Variants in RBM34 observed in about 807,000 individuals in gnomAD.
The protein encoded by RBM34 is RNA-binding protein 34.
RBM34 carries 39 observed loss-of-function variants against 44.6 expected under a neutral mutation model. The ratio of observed to expected loss-of-function variants is 0.87; its 90% CI spans 0.68 to 1.14. The LOEUF is 1.14. Among genes scored for constraint, RBM34 ranks in the 50% most tolerant of loss-of-function variants. The pLI is 0.00. For missense variants in RBM34, 572 were observed against 517.9 expected (o/e 1.10, Z -1.01); for synonymous variants, 194 against 184.0 (o/e 1.05, Z -0.44).
rs367844001 is a variant in RBM34, at chr1:235,137,911, C to T, written c.815G>A (p.Arg272His). 4.7e-5 allele frequency: 76 copies of T among 1,604,036 alleles called. No homozygotes were observed. In the African/African-American group the frequency reaches 6.2e-4, roughly 13 times the overall value. The change falls in exon 8 of 11, where the codon CGT becomes CAT. Residue 272 changes from arginine (R) to histidine (H), a missense_variant. Coordinates refer to ENST00000408888, the MANE Select transcript of RBM34 (RefSeq NM_015014.4). ...CTCAGATGCGAGATCAACTCTAATA[C>T]GAAATCCATCTGCAATCTGGGCCCC... ...RNGAQIADGF[R>H]IRVDLASETS...
chr1:235,143,382 A>AT (rs1221579850), intron 6 of RBM34, among the ~76,000 whole-genome samples: 3 of 152,160 alleles, frequency 2.0e-5, no homozygotes, highest in East Asian at 1.9e-4. Context: ...CCGTACCCAA[A>AT]TTTTTTTTAG....
chr1:235,143,205 A>G (rs1661757377), intron 6 of RBM34, among the ~76,000 whole-genome samples: 2 of 152,356 alleles, frequency 1.3e-5, no homozygotes, highest in South Asian at 4.1e-4. Context: ...TTAAATGACA[A>G]TGCCAAGTGC....
In RBM34 at chr1:235,131,518, A is replaced by G; in HGVS notation, c.*195T>C. ...AGCCAAACTCCATCTCAAAAAACAA[A>G]ACAAAAACAAAAAAACCTTCAAAGG... On this transcript the variant is annotated 3_prime_UTR_variant, in exon 11 of 11. Coordinates refer to ENST00000408888, the MANE Select transcript of RBM34 (RefSeq NM_015014.4). The G allele has an allele frequency of 1.6e-6, 1 of 626,250 alleles. No homozygotes were observed. 38.8% of individuals were successfully genotyped at this position (626,250 alleles called of 1,614,324 possible). A position where few individuals can be genotyped will look rare whatever the true frequency, so the allele number is the denominator to read the frequency against.
intron 6 of RBM34, among the ~76,000 whole-genome samples, chr1:235,146,593 A>C (rs1661918019): frequency 6.6e-6 from 1 of 152,174 alleles, no homozygotes; most frequent in Non-Finnish European, 1.5e-5. Context: ...GAATTGGCTG[A>C]CTAGAGAAAA....
intron 10 of RBM34, among the ~76,000 whole-genome samples, chr1:235,135,118 C>T (rs1661365209): frequency 7.0e-6 from 1 of 143,376 alleles, no homozygotes; most frequent in Non-Finnish European, 1.5e-5. Flanking sequence ...GATCTCGGCT[C>T]AATGAAACCT....
chr1:235,152,437 A>C, intron 5 of RBM34: 1 of 1,089,376 alleles, frequency 9.2e-7, no homozygotes, highest in African/African-American at 1.7e-5. Flanking sequence ...TTCTGCTGAC[A>C]CAGTAAATAA....
At chr1:235,133,945 C>T (rs1213390753) in intron 10 of RBM34, among the ~76,000 whole-genome samples, 2 of 152,176 alleles carry the variant, frequency 1.3e-5, no homozygotes, top group Non-Finnish European at 2.9e-5. Context: ...TCACTACAGC[C>T]TTGACCTCCC....
chr1:235,160,411 G>T, intron 3 of RBM34, 100 bp downstream of exon 3: 2 of 1,448,234 alleles, frequency 1.4e-6, no homozygotes, highest in Non-Finnish European at 1.9e-6. Flanking sequence ...AGTTTTGAAA[G>T]AAAGTAGAAA....
intron 5 of RBM34, among the ~76,000 whole-genome samples, chr1:235,149,656 TA>T (rs1309403417): frequency 9.9e-5 from 15 of 152,050 alleles, no homozygotes; most frequent in African/African-American, 3.6e-4. Context: ...ATGGGGCAGG[TA>T]GGGAAAACTT....
At chr1:235,138,039 C>G in intron 7 of RBM34, 52 bp downstream of exon 7, 1 of 1,550,598 alleles carries the variant, frequency 6.4e-7, no homozygotes, top group East Asian at 2.2e-5. Context: ...AAAAAGTACT[C>G]ATACATACTT....
At chr1:235,146,645 G>A (rs568792725) in intron 6 of RBM34, among the ~76,000 whole-genome samples, 12 of 152,294 alleles carry the variant, frequency 7.9e-5, no homozygotes, top group African/African-American at 2.6e-4. Flanking sequence ...TTTTGAGACA[G>A]AGTCTAGCTC....
At chr1:235,158,905 C>T (rs190102537) in intron 3 of RBM34, among the ~76,000 whole-genome samples, 182 of 150,912 alleles carry the variant, frequency 1.2e-3, no homozygotes, top group African/African-American at 3.8e-3. Context: ...ATGGTTTGAG[C>T]CCAGGAGTTC....
At chr1:235,142,844 G>C (rs111561796) in intron 6 of RBM34, among the ~76,000 whole-genome samples, 24,026 of 146,888 alleles carry the variant, frequency 0.16, 2,162 homozygotes, top group African/African-American at 0.23. Flanking sequence ...AGGAGAATCA[G>C]TTGAACCCGG....
intron 6 of RBM34, among the ~76,000 whole-genome samples, chr1:235,144,581 C>G (rs1462203144): frequency 6.6e-6 from 1 of 150,928 alleles, no homozygotes; most frequent in Non-Finnish European, 1.5e-5. Context: ...TCCCATAAGC[C>G]AAGTCAAAAA....
chr1:235,147,894 G>A (rs1362935942), intron 6 of RBM34, among the ~76,000 whole-genome samples: 1 of 151,964 alleles, frequency 6.6e-6, no homozygotes, highest in Admixed American at 6.6e-5. Context: ...CATATGGAAG[G>A]GCGAACAAGG....
intron 3 of RBM34, among the ~76,000 whole-genome samples, chr1:235,159,604 T>C (rs1662608536): frequency 6.6e-6 from 1 of 150,540 alleles, no homozygotes; most frequent in African/African-American, 2.5e-5. Context: ...GTGCAGTGGC[T>C]CATGCCTATA....
chr1:235,154,350 T>C (rs762355922), intron 4 of RBM34, among the ~76,000 whole-genome samples: 28 of 149,694 alleles, frequency 1.9e-4, no homozygotes, highest in Non-Finnish European at 3.8e-4. Context: ...GGAGGGCAGA[T>C]CACTTAAGCC....
At chr1:235,133,318 GCAA>G (rs917228537) in intron 10 of RBM34, among the ~76,000 whole-genome samples, 1 of 152,214 alleles carries the variant, frequency 6.6e-6, no homozygotes, top group African/African-American at 2.4e-5. Context: ...TCCAGCCTGA[GCAA>G]CAGAGTGAGA....
In RBM34 at chr1:235,148,414, C is replaced by A. The variant is rs747281847; in HGVS notation, c.691G>T (p.Ala231Ser). 1.3e-6 allele frequency: 2 copies of A among 1,596,710 alleles called. No homozygotes were observed. Among genetic ancestry groups the A allele is most frequent in the East Asian group, 2.3e-5 (1 of 44,392 alleles). Reference sequence around the variant, plus strand: ...TAATTATAAACTTACTTTATTGCTGCCAACTTTTTGGATAGCGTTCCCTCT... The same window carrying A: ...TAATTATAAACTTACTTTATTGCTGACAACTTTTTGGATAGCGTTCCCTCT... ...PAEGTLSKKL[A>S]AIKRKIHPDQ... The change falls in exon 6 of 11, where the codon GCA becomes TCA. Residue 231 changes from alanine to serine, a missense_variant. By Grantham distance (99) the Ala-to-Ser change is moderately conservative. Transcript: ENST00000408888.
Sources: allele counts gnomAD v4.1 joint callset (sites outside exome capture counted in the v4.1 genomes callset), GRCh38; gene constraint gnomAD v4.1.1; transcripts MANE v1.5; gene names NCBI Gene and HGNC (gene_info 2026-07-23, HGNC 2026-07-21).